Variants in PPFIA2 observed in about 807,000 individuals in gnomAD.
PPFIA2 encodes PPFI scaffold protein A2, also known as liprin-alpha-2.
Under a neutral mutation model 175.5 loss-of-function variants are expected in PPFIA2, and 46 were observed. The ratio of observed to expected loss-of-function variants is 0.26; its 90% CI spans 0.21 to 0.34. The LOEUF (loss-of-function observed/expected upper bound fraction) is 0.34, where lower values mean the gene tolerates loss of function less well. PPFIA2 is among the 10% of genes least tolerant of loss of function. The probability of loss-of-function intolerance (pLI) is 1.00; values close to 1 mark genes in which losing one functional copy is unlikely to be tolerated. For synonymous variants in PPFIA2, 568 were observed against 511.4 expected (o/e 1.11, Z -1.49); for missense variants, 1,179 against 1,506.1 (o/e 0.78, Z 3.60).
At chr12:81,690,322 T>C (rs181172093) in intron 3 of PPFIA2, among the ~76,000 whole-genome samples, 12 of 152,238 alleles carry the variant, frequency 7.9e-5, no homozygotes, top group African/African-American at 2.4e-4. Context: ...TGTGAAAATA[T>C]TGTAAAACAG....
At chr12:81,459,358 T>C (rs1171949884) in intron 4 of PPFIA2, among the ~76,000 whole-genome samples, 3 of 152,162 alleles carry the variant, frequency 2.0e-5, no homozygotes, top group Non-Finnish European at 4.4e-5. Flanking sequence ...TACCTAAAGA[T>C]TCTTTATTGC....
chr12:81,596,359 T>C (rs940323621), intron 4 of PPFIA2, among the ~76,000 whole-genome samples: 13 of 152,080 alleles, frequency 8.5e-5, no homozygotes, highest in African/African-American at 3.1e-4. Flanking sequence ...CTTAAACACA[T>C]ATTGTCTGTT....
At chr12:81,754,273 T>G in intron 2 of PPFIA2, 50 bp from the exon 3 acceptor site, 1 of 1,533,586 alleles carries the variant, frequency 6.5e-7, no homozygotes, top group Non-Finnish European at 8.8e-7. Context: ...TGATTTCCAA[T>G]AATTTCATTT....
At chr12:81,669,364 T>C (rs976824785) in intron 4 of PPFIA2, among the ~76,000 whole-genome samples, 1 of 152,060 alleles carries the variant, frequency 6.6e-6, no homozygotes, top group African/African-American at 2.4e-5. Context: ...AATATGTCCA[T>C]GTAAATCGTG....
intron 4 of PPFIA2, among the ~76,000 whole-genome samples, chr12:81,555,956 A>C (rs548422552): frequency 6.6e-6 from 1 of 151,832 alleles, no homozygotes; most frequent in African/African-American, 2.4e-5. Context: ...AAAAATAGAG[A>C]CCCTTGGGGT....
At chr12:81,580,622 T>C (rs767509947) in intron 4 of PPFIA2, among the ~76,000 whole-genome samples, 24 of 151,580 alleles carry the variant, frequency 1.6e-4, no homozygotes, top group Admixed American at 5.9e-4. Flanking sequence ...TAATAAATTA[T>C]TTCCCTCACT....
intron 7 of PPFIA2, among the ~76,000 whole-genome samples, chr12:81,417,913 G>C (rs2045591716): frequency 6.6e-6 from 1 of 151,666 alleles, no homozygotes; most frequent in Admixed American, 6.6e-5. Context: ...CTAAATCTCA[G>C]TTCAATTACC....
At chr12:81,349,761 T>G (rs910799173) in intron 17 of PPFIA2, among the ~76,000 whole-genome samples, 2 of 152,126 alleles carry the variant, frequency 1.3e-5, no homozygotes, top group Non-Finnish European at 2.9e-5. Flanking sequence ...AGAGAGTATA[T>G]TGAAGTTTAA....
At chr12:81,470,798 C>A (rs1221393127) in intron 4 of PPFIA2, among the ~76,000 whole-genome samples, 1 of 152,110 alleles carries the variant, frequency 6.6e-6, no homozygotes, top group African/African-American at 2.4e-5. Flanking sequence ...TTTCTAAGTA[C>A]ACAATACCTA....
intron 2 of PPFIA2, among the ~76,000 whole-genome samples, chr12:81,756,075 T>C (rs2153669298): frequency 6.6e-6 from 1 of 152,180 alleles, no homozygotes; most frequent in African/African-American, 2.4e-5. Context: ...TTTAAAACGA[T>C]TAGTTAGCAG....
intron 4 of PPFIA2, among the ~76,000 whole-genome samples, chr12:81,481,638 G>A (rs2058240738): frequency 6.6e-6 from 1 of 152,142 alleles, no homozygotes; most frequent in Non-Finnish European, 1.5e-5. Flanking sequence ...AAGCAATGGG[G>A]AAAGGAAATC....
chr12:81,270,667 G>A (rs2038820445), intron 28 of PPFIA2: 1 of 152,166 alleles, frequency 6.6e-6, no homozygotes, highest in African/African-American at 2.4e-5. Flanking sequence ...AACTGACTCT[G>A]CTAACACCTT....
At chr12:81,354,658 T>C (rs1214092424) in intron 16 of PPFIA2, among the ~76,000 whole-genome samples, 2 of 152,064 alleles carry the variant, frequency 1.3e-5, no homozygotes, top group Admixed American at 6.6e-5. Flanking sequence ...GATTTTTTTT[T>C]TTTGAGAGGG....
intron 4 of PPFIA2, among the ~76,000 whole-genome samples, chr12:81,532,603 C>T (rs752284076): frequency 1.3e-5 from 2 of 151,814 alleles, no homozygotes; most frequent in African/African-American, 4.8e-5. Flanking sequence ...ATCTTTTACT[C>T]TACCTACAAA....
At position 81,258,675 on chromosome 12, in the gene PPFIA2, TA is replaced by T; in HGVS notation, c.*1018del. ...CAAGGCCATCTCGGCTAAAAGCTTA[TA>T]ACATTAGACATGAGTCTGGCTAATG... On this transcript the variant is annotated 3_prime_UTR_variant, in exon 33 of 33. Coordinates refer to ENST00000549396, the MANE Select transcript of PPFIA2 (RefSeq NM_003625.5). 6.6e-6 allele frequency: 1 copy of T among 152,224 alleles called. No homozygotes were observed. The highest frequency in any genetic ancestry group is 2.1e-4 in the South Asian group (1 of 4,828). 9.4% of individuals were successfully genotyped at this position (152,224 alleles called of 1,614,324 possible).
chr12:81,718,037 G>A (rs1390514615), intron 3 of PPFIA2, among the ~76,000 whole-genome samples: 3 of 151,704 alleles, frequency 2.0e-5, no homozygotes, highest in South Asian at 2.1e-4. Context: ...TTTGGCCTGA[G>A]GGTAATGCTT....
At chr12:81,329,189 C>T (rs1274720036) in intron 21 of PPFIA2, among the ~76,000 whole-genome samples, 2 of 152,108 alleles carry the variant, frequency 1.3e-5, no homozygotes, top group African/African-American at 4.8e-5. Flanking sequence ...TTCAGGAGGT[C>T]TATTAGGAAA....
chr12:81,369,259 A>C (rs1216543235), intron 11 of PPFIA2, 65 bp from the exon 12 acceptor site: 1 of 1,564,290 alleles, frequency 6.4e-7, no homozygotes, highest in South Asian at 1.2e-5. Flanking sequence ...CCTCTAAATA[A>C]ATTGAAATAA....
chr12:81,735,589 G>C (rs2153646360), intron 3 of PPFIA2, among the ~76,000 whole-genome samples: 1 of 151,514 alleles, frequency 6.6e-6, no homozygotes, highest in African/African-American at 2.4e-5. Flanking sequence ...TTTTTATTTT[G>C]ATGAAGTTCT....
Sources: allele counts gnomAD v4.1 joint callset (sites outside exome capture counted in the v4.1 genomes callset), GRCh38; gene constraint gnomAD v4.1.1; transcripts MANE v1.5; gene names NCBI Gene and HGNC (gene_info 2026-07-23, HGNC 2026-07-21).